The following SH3TC1 variants were observed in gnomAD, a reference collection of about 807,000 sequenced individuals.
The protein encoded by SH3TC1 is SH3 domain and tetratricopeptide repeat-containing protein 1.
Under a neutral mutation model 117.3 loss-of-function variants are expected in SH3TC1, and 135 were observed. The observed-to-expected ratio is 1.15, with a 90% CI of 1.00 to 1.33. SH3TC1 has a LOEUF of 1.33. Among genes scored for constraint, SH3TC1 ranks in the 40% most tolerant of loss-of-function variants. SH3TC1 has a pLI of 0.00. For missense variants in SH3TC1, 2,092 were observed against 1,794.3 expected (o/e 1.17, Z -3.00); for synonymous variants, 898 against 816.9 (o/e 1.10, Z -1.69).
At chr4:8,233,739 TCATCCATCCATCCATCCATCATC>T (rs1721478467) in intron 14 of SH3TC1, among the ~76,000 whole-genome samples, 2 of 89,610 alleles carry the variant, frequency 2.2e-5, no homozygotes, top group East Asian at 3.8e-4. Context: ...ATTCACCTGT[TCATCCATCCATCCATCCATCATC>T]CATCCATCCT....
At position 8,218,320 on chromosome 4, in the gene SH3TC1, C is replaced by A. The variant is rs750412446; in HGVS notation, c.889C>A (p.Pro297Thr). Residue 297 changes from proline (P) to threonine (T), a missense_variant, in exon 8 of 18, where the codon CCT becomes ACT. Coordinates refer to ENST00000245105, the MANE Select transcript of SH3TC1 (RefSeq NM_018986.5). ...QDPIDDAMGG[P>T]VMPGNPLMAV... ...CCCCATCGACGATGCCATGGGTGGCCCTGTGATGCCCGGCAACCCGCTGAT... is the reference window on the plus strand; with the variant it reads ...CCCCATCGACGATGCCATGGGTGGCACTGTGATGCCCGGCAACCCGCTGAT... 6.2e-7 allele frequency: 1 copy of A among 1,611,358 alleles called. No homozygotes were observed. The highest frequency in any genetic ancestry group is 8.5e-7 in the Non-Finnish European group (1 of 1,178,010).
In SH3TC1 at chr4:8,209,762, G is replaced by A; in HGVS notation, c.187G>A (p.Ala63Thr). ...CTGTGTTGCAGACGAGGCTCCTCCT[G>A]CCCGCGTGGCTGGGCCTGCTGCTGG... The part of the protein sequence containing the change: ...APVRGDEAPP[A>T]RVAGPAAGTP... The change falls in exon 3 of 18, where the codon GCC becomes ACC. Residue 63 changes from alanine (A) to threonine (T), a missense_variant. Transcript: ENST00000245105. The surrounding 1 kb of genome is among the most constrained non-coding windows in gnomAD (Gnocchi z 5.9). The A allele has an allele frequency of 6.2e-7, 1 of 1,613,692 alleles. No homozygotes were observed. Among genetic ancestry groups the A allele is most frequent in the Non-Finnish European group, 8.5e-7 (1 of 1,179,984 alleles).
intron 1 of SH3TC1, among the ~76,000 whole-genome samples, chr4:8,189,924 A>C (rs762164206): frequency 6.6e-6 from 1 of 152,124 alleles, no homozygotes; most frequent in Non-Finnish European, 1.5e-5. Context: ...CAGCGGGTGG[A>C]CCAGTGGCCC....
At chr4:8,215,676 C>T (rs1719192128) in intron 5 of SH3TC1, among the ~76,000 whole-genome samples, 1 of 152,230 alleles carries the variant, frequency 6.6e-6, no homozygotes, top group Non-Finnish European at 1.5e-5. Flanking sequence ...GGGGAGCTCG[C>T]AGCATCCCAG....
Position 8,227,127 on chromosome 4 carries a change from A to G in SH3TC1, c.1433A>G (p.Gln478Arg), listed in dbSNP as rs1489167096. 3 of 1,612,262 alleles carry G rather than the reference A, an allele frequency of 1.9e-6. No individual in the cohort carries two copies. In the Admixed American group the frequency reaches 5.0e-5, roughly 27 times the overall value. Reference sequence around the variant, plus strand: ...GCGGCATCCAGCGACGTGAGCTTGCAGGACCCCGAGGAGCCCTCCTTCTGC... The same window carrying G: ...GCGGCATCCAGCGACGTGAGCTTGCGGGACCCCGAGGAGCCCTCCTTCTGC... ...LCAASSDVSL[Q>R]DPEEPSFCLE... Residue 478 changes from glutamine (Q) to arginine (R), a missense_variant, in exon 12 of 18, where the codon CAG becomes CGG. Physicochemically the swap from Gln to Arg is conservative, Grantham distance 43. Transcript: ENST00000245105.
chr4:8,199,994 C>G (rs188374828), intron 1 of SH3TC1, among the ~76,000 whole-genome samples: 1 of 152,294 alleles, frequency 6.6e-6, no homozygotes, highest in South Asian at 2.1e-4. Flanking sequence ...GCAGGTGTGC[C>G]GGGGCGTGTG....
chr4:8,226,913 C>A, intron 11 of SH3TC1, 67 bp from the exon 12 acceptor site: 1 of 1,239,816 alleles, frequency 8.1e-7, no homozygotes, highest in African/African-American at 1.5e-5. Flanking sequence ...TGAGGGGACC[C>A]TGCCCCCAGT....
Position 8,183,268 on chromosome 4 carries a change from G to A in SH3TC1, c.-57+1058G>A, listed in dbSNP as rs894898248. On this transcript the variant is annotated intron_variant, in intron 1 of 16. Transcript: ENST00000508641. The surrounding 1 kb of genome is among the most constrained non-coding windows in gnomAD (Gnocchi z 5.4). Reference sequence around the variant, plus strand: ...CCCTCGTTTACAGAGGAAGGCCGGCGCTCAAGGTGGCAGGACTGGCTGAGG... The same window carrying A: ...CCCTCGTTTACAGAGGAAGGCCGGCACTCAAGGTGGCAGGACTGGCTGAGG... Among the ~76,000 whole-genome samples the A allele has an allele frequency of 5.3e-5, 8 of 152,198 alleles. No homozygotes were observed. Among genetic ancestry groups the A allele is most frequent in the African/African-American group, 1.4e-4 (6 of 41,454 alleles).
At position 8,210,289 on chromosome 4, in the gene SH3TC1, G is replaced by C. The variant is rs1305326454; in HGVS notation, c.247+467G>C. 6.6e-6 allele frequency among the ~76,000 whole-genome samples: 1 copy of C among 152,220 alleles called. No homozygotes were observed. Among genetic ancestry groups the C allele is most frequent in the Admixed American group, 6.5e-5 (1 of 15,290 alleles). On this transcript the variant is annotated intron_variant, in intron 3 of 17. Coordinates refer to ENST00000245105, the MANE Select transcript of SH3TC1 (RefSeq NM_018986.5). The surrounding 1 kb of genome is among the most constrained non-coding windows in gnomAD (Gnocchi z 4.1). Reference sequence around the variant, plus strand: ...GAAGCTGCTGGCTGTGAAGGTGTAAGAAGCCCCTTACCCTGGAGACCCCCC... The same window carrying C: ...GAAGCTGCTGGCTGTGAAGGTGTAACAAGCCCCTTACCCTGGAGACCCCCC...
In SH3TC1 at chr4:8,219,284, C is replaced by G. The variant is rs893813676; in HGVS notation, c.917-51C>G. ...CTGGCATCGGCCCTGTCTGCCCGCTCTGGCCCCCATTTGGTCTCCCTGGCA... is the reference window on the plus strand; with the variant it reads ...CTGGCATCGGCCCTGTCTGCCCGCTGTGGCCCCCATTTGGTCTCCCTGGCA... On this transcript the variant is annotated intron_variant, in intron 8 of 17. Transcript: ENST00000245105. 5 of 1,499,444 alleles carry G rather than the reference C, an allele frequency of 3.3e-6. No individual in the cohort carries two copies. The South Asian group carries it at 5.4e-5, about 16-fold the overall frequency. The allele number at this position is 1,499,444 out of a possible 1,614,324, so 92.9% of individuals were successfully genotyped here.
intron 13 of SH3TC1, chr4:8,232,700 C>T (rs924128335): frequency 6.2e-6 from 8 of 1,290,196 alleles, no homozygotes; most frequent in African/African-American, 3.0e-5. Context: ...GGCCACCCCA[C>T]CCACAGGGCC....
Position 8,214,557 on chromosome 4 carries a change from A to C in SH3TC1, c.458A>C (p.Lys153Thr). 6.2e-7 allele frequency: 1 copy of C among 1,613,912 alleles called. No individual in the cohort carries two copies. Among genetic ancestry groups the C allele is most frequent in the Non-Finnish European group, 8.5e-7 (1 of 1,179,980 alleles). The change falls in exon 5 of 18, where the codon AAG (lysine) becomes ACG (threonine). Residue 153 changes from lysine to threonine, a missense_variant. Lys to Thr is a moderately conservative substitution (Grantham distance 78). Coordinates refer to ENST00000245105, the MANE Select transcript of SH3TC1 (RefSeq NM_018986.5). ...VTFKTFEEIW[K>T]FSTYHALGFT... ...TTTAAGACTTTTGAAGAAATCTGGA[A>C]GTTTTCCACCTACCATGCTCTCGGT...
chr4:8,229,949 G>C (rs1168327371), intron 12 of SH3TC1, among the ~76,000 whole-genome samples: 5 of 150,506 alleles, frequency 3.3e-5, no homozygotes, highest in Non-Finnish European at 7.4e-5. Flanking sequence ...CGAGGAGACC[G>C]GGGGCCAGGG....
chr4:8,229,459 GAGT>G, intron 12 of SH3TC1, among the ~76,000 whole-genome samples: 3 of 103,934 alleles, frequency 2.9e-5, no homozygotes, highest in African/African-American at 1.1e-4. Flanking sequence ...GGGGGTGAGT[GAGT>G]GGGGGTGTGA....
intron 1 of SH3TC1, among the ~76,000 whole-genome samples, chr4:8,200,154 G>C (rs1189538053): frequency 6.6e-6 from 1 of 152,238 alleles, no homozygotes; most frequent in Non-Finnish European, 1.5e-5. Context: ...GTGACGCTGG[G>C]GGGTGTTAGC....
chr4:8,223,527 A>G (rs534893999), intron 10 of SH3TC1, among the ~76,000 whole-genome samples: 1 of 152,336 alleles, frequency 6.6e-6, no homozygotes, highest in Admixed American at 6.5e-5. Context: ...CTGCAGTGCA[A>G]CGCATAGATG....
chr4:8,193,169 C>T (rs1717467326), intron 1 of SH3TC1, among the ~76,000 whole-genome samples: 1 of 152,240 alleles, frequency 6.6e-6, no homozygotes, highest in South Asian at 2.1e-4. Flanking sequence ...GCACGTTTGC[C>T]TCCCCTCTTC....
chr4:8,224,954 T>A (rs959849976), intron 10 of SH3TC1: 14 of 551,790 alleles, frequency 2.5e-5, no homozygotes, highest in African/African-American at 2.5e-4. Flanking sequence ...GTGTCAGCAG[T>A]GCTCCTATGC....
In SH3TC1 at chr4:8,237,636, T is replaced by C. The variant is rs754716712; in HGVS notation, c.3719T>C (p.Leu1240Pro). 3 of 1,609,442 alleles carry C rather than the reference T, an allele frequency of 1.9e-6. No individual in the cohort carries two copies. Among genetic ancestry groups the C allele is most frequent in the African/African-American group, 1.3e-5 (1 of 74,888 alleles). ...EETLYYVKVY[L>P]VLGDIIFYDL... ...ACCCTCTACTACGTGAAGGTGTACCTGGTGCTCGGTGACATCATCTTCTAC... is the reference window on the plus strand; with the variant it reads ...ACCCTCTACTACGTGAAGGTGTACCCGGTGCTCGGTGACATCATCTTCTAC... Residue 1240 changes from leucine to proline, a missense_variant, in exon 17 of 18, where the codon CTG becomes CCG. Leu to Pro is a moderately conservative substitution (Grantham distance 98). Coordinates refer to ENST00000245105, the MANE Select transcript of SH3TC1 (RefSeq NM_018986.5).
Sources: gnomAD v4.1 joint callset for allele counts (sites outside exome capture counted in the v4.1 genomes callset) on GRCh38, gnomAD v4.1.1 for gene constraint, Gnocchi (gnomAD v3.1) non-coding constraint, MANE v1.5 for transcripts, NCBI Gene and HGNC (gene_info 2026-07-23, HGNC 2026-07-21) for gene names.